Variants in SF3B3 observed in about 807,000 individuals in gnomAD.
The protein encoded by SF3B3 is SAP 130.
In SF3B3, 33 loss-of-function variants were observed where a neutral mutation model predicts 139.2. That is an observed-to-expected ratio of 0.24 (90% CI 0.18 to 0.32). The LOEUF (loss-of-function observed/expected upper bound fraction) is 0.32, where lower values mean the gene tolerates loss of function less well. Ranked by LOEUF, SF3B3 falls within the 10% of genes least tolerant of loss-of-function variation. SF3B3 has a pLI of 1.00. For missense variants in SF3B3, 818 were observed against 1,509.4 expected (o/e 0.54, Z 7.59); for synonymous variants, 596 against 563.6 (o/e 1.06, Z -0.81).
chr16:70,546,003 T>G (rs2050264716), intron 10 of SF3B3, among the ~76,000 whole-genome samples: 2 of 152,216 alleles, frequency 1.3e-5, no homozygotes, highest in African/African-American at 4.8e-5. Flanking sequence ...TTTTTGTTTT[T>G]GTTTTTTTGA....
intron 16 of SF3B3, chr16:70,561,329 A>G (rs2050427214): frequency 4.2e-6 from 1 of 237,564 alleles, no homozygotes; most frequent in Non-Finnish European, 8.1e-6. Context: ...CCTTCATTCC[A>G]TTTAATTCTT....
Position 70,571,693 on chromosome 16 carries a change from C to T in SF3B3, c.3534C>T (p.Leu1178=). ...CTTAGAATGTGATTGATGGAGACCT[C>T]TGTGAGCAGTTCAATTCCATGGAAC... ...FPVKNVIDGD[L]CEQFNSMEPN... Residue 1178 remains leucine, a synonymous_variant, in exon 26 of 26, where the codon CTC becomes CTT. Transcript: ENST00000302516. The T allele has an allele frequency of 6.2e-7, 1 of 1,613,696 alleles. No homozygotes were observed.
At chr16:70,526,204 T>C (rs2151772413) in intron 1 of SF3B3, among the ~76,000 whole-genome samples, 1 of 151,950 alleles carries the variant, frequency 6.6e-6, no homozygotes. Flanking sequence ...CCCGTGCTTT[T>C]TATTTATTTA....
intron 5 of SF3B3, among the ~76,000 whole-genome samples, chr16:70,533,852 CT>C (rs1439157424): frequency 2.0e-5 from 3 of 152,238 alleles, no homozygotes; most frequent in Non-Finnish European, 4.4e-5. Flanking sequence ...CATCTCATTA[CT>C]TGTAACATAT....
At chr16:70,548,493 A>G (rs2050290086) in intron 11 of SF3B3, 51 bp downstream of exon 11, 1 of 1,495,076 alleles carries the variant, frequency 6.7e-7, no homozygotes, top group Admixed American at 1.7e-5. Flanking sequence ...TGCCATTGAC[A>G]TAGAAGGCTT....
chr16:70,554,733 G>A (rs2050363724), intron 12 of SF3B3, 136 bp downstream of exon 12: 3 of 853,872 alleles, frequency 3.5e-6, no homozygotes, highest in Admixed American at 2.7e-5. Context: ...TATGATTTGG[G>A]CACATAATAT....
At chr16:70,562,937 C>T (rs2050443091) in intron 17 of SF3B3, among the ~76,000 whole-genome samples, 1 of 151,970 alleles carries the variant, frequency 6.6e-6, no homozygotes, top group African/African-American at 2.4e-5. Flanking sequence ...CAAGCTATTT[C>T]TGCCTCAACC....
intron 5 of SF3B3, among the ~76,000 whole-genome samples, chr16:70,532,859 G>A (rs533610175): frequency 2.6e-5 from 4 of 152,170 alleles, no homozygotes; most frequent in Non-Finnish European, 4.4e-5. Context: ...GAAGTTGAAG[G>A]GAGCAGTCAG....
At position 70,523,920 on chromosome 16, in the gene SF3B3, C is replaced by T. The variant is rs562552937; in HGVS notation, c.-79C>T. 4 of 452,764 alleles carry T rather than the reference C, an allele frequency of 8.8e-6. No homozygotes were observed. The East Asian group carries it at 1.0e-4, about 11-fold the overall frequency. The allele number at this position is 452,764 out of a possible 1,614,324, so 28.0% of individuals were successfully genotyped here. On this transcript the variant is annotated 5_prime_UTR_variant, in exon 1 of 26. Transcript: ENST00000302516. ...CGTTGGATATCCACACCATCCTTCT[C>T]GCTGCAGGGTAAAAAAACAGCCTGG...
chr16:70,548,592 TC>T, intron 11 of SF3B3, 150 bp downstream of exon 11: 2 of 640,534 alleles, frequency 3.1e-6, no homozygotes, highest in Non-Finnish European at 5.5e-6. Flanking sequence ...TTGAGGCTCT[TC>T]CGTTCAGGAT....
chr16:70,542,747 A>C (rs1417807698), intron 9 of SF3B3, among the ~76,000 whole-genome samples: 1 of 143,108 alleles, frequency 7.0e-6, no homozygotes, highest in Non-Finnish European at 1.5e-5. Flanking sequence ...TTTGAGATGG[A>C]GTCTCGCTCT....
chr16:70,540,478 G>C (rs570346678), intron 8 of SF3B3, among the ~76,000 whole-genome samples: 1 of 151,914 alleles, frequency 6.6e-6, no homozygotes, highest in African/African-American at 2.4e-5. Flanking sequence ...CTGCATCCTC[G>C]ACCTCCCAGG....
intron 10 of SF3B3, among the ~76,000 whole-genome samples, chr16:70,546,739 C>A (rs543557783): frequency 1.3e-5 from 2 of 152,164 alleles, no homozygotes; most frequent in Non-Finnish European, 2.9e-5. Context: ...CCTGCTACTT[C>A]TCTCCCCACT....
chr16:70,565,218 C>G lies in SF3B3; in HGVS notation c.2617C>G (p.Gln873Glu). Residue 873 changes from glutamine (Q) to glutamate (E), a missense_variant, in exon 19 of 26, where the codon CAA becomes GAA. Transcript: ENST00000302516. ...TGTGATCCGAGTGATGAATCCCATTCAAGGGAACACACTGGACCTTGTCCA... is the reference window on the plus strand; with the variant it reads ...TGTGATCCGAGTGATGAATCCCATTGAAGGGAACACACTGGACCTTGTCCA... Reference protein sequence around the residue: ...ASVIRVMNPIQGNTLDLVQLE... With the variant: ...ASVIRVMNPIEGNTLDLVQLE... The G allele has an allele frequency of 1.2e-6, 2 of 1,614,198 alleles. No individual in the cohort carries two copies. Among genetic ancestry groups the G allele is most frequent in the Non-Finnish European group, 1.7e-6 (2 of 1,180,040 alleles).
chr16:70,530,993 C>T (rs1023140326), intron 4 of SF3B3, 76 bp downstream of exon 4: 40 of 1,379,842 alleles, frequency 2.9e-5, no homozygotes, highest in African/African-American at 4.3e-5. Flanking sequence ...TCCGGCCGGG[C>T]GTGGTGGCTC....
chr16:70,569,803 G>C, intron 23 of SF3B3: 1 of 545,052 alleles, frequency 1.8e-6, no homozygotes, highest in Non-Finnish European at 3.3e-6. Flanking sequence ...AGATTTTGTG[G>C]GTATGGGTAT....
At chr16:70,555,870 T>G (rs1471951313) in intron 13 of SF3B3, among the ~76,000 whole-genome samples, 1 of 152,192 alleles carries the variant, frequency 6.6e-6, no homozygotes, top group Non-Finnish European at 1.5e-5. Flanking sequence ...ACAGACAGTT[T>G]TATATGTCTC....
intron 1 of SF3B3, among the ~76,000 whole-genome samples, chr16:70,525,782 A>G (rs1483776999): frequency 6.6e-6 from 1 of 151,822 alleles, no homozygotes; most frequent in Non-Finnish European, 1.5e-5. Context: ...CCTGGCTAAC[A>G]TGGTGAAACC....
Position 70,529,204 on chromosome 16 carries a change from G to T in SF3B3, c.397+5G>T. On this transcript the variant is annotated splice_donor_5th_base_variant and intron_variant, in intron 3 of 25. Transcript: ENST00000302516. ...AAGGGCGAGCCGTTATGATTAGTAA[G>T]TGATTTACTCTACTTGCTGTATATG... 6.2e-7 allele frequency: 1 copy of T among 1,610,094 alleles called. No homozygotes were observed. The highest frequency in any genetic ancestry group is 8.5e-7 in the Non-Finnish European group (1 of 1,176,946).
Sources: gnomAD v4.1 joint callset for allele counts (sites outside exome capture counted in the v4.1 genomes callset) on GRCh38, gnomAD v4.1.1 for gene constraint, MANE v1.5 for transcripts, NCBI Gene and HGNC (gene_info 2026-07-23, HGNC 2026-07-21) for gene names.